Variants in SNTG1 observed in about 807,000 individuals in gnomAD.
SNTG1 encodes the protein syntrophin gamma 1.
Under a neutral mutation model 74.7 loss-of-function variants are expected in SNTG1, and 39 were observed. The observed-to-expected ratio is 0.52, with a 90% CI of 0.40 to 0.68. The LOEUF (loss-of-function observed/expected upper bound fraction) is 0.68, where lower values mean the gene tolerates loss of function less well. Ranked by LOEUF, SNTG1 falls within the 30% of genes least tolerant of loss-of-function variation. The pLI, the probability that SNTG1 is intolerant of heterozygous loss-of-function variation, is 0.00. For synonymous variants in SNTG1, 254 were observed against 217.1 expected, an observed-to-expected ratio of 1.17 and a Z score of -1.49; for missense variants, 685 against 609.5, an observed-to-expected ratio of 1.12 and a Z score of -1.30.
intron 2 of SNTG1, among the ~76,000 whole-genome samples, chr8:50,355,498 T>C (rs1166398469): frequency 6.6e-6 from 1 of 152,176 alleles, no homozygotes; most frequent in African/African-American, 2.4e-5. Context: ...CTTTATATAT[T>C]CAACATGCTT....
At chr8:50,658,269 A>T (rs1411112780) in intron 14 of SNTG1, among the ~76,000 whole-genome samples, 7 of 150,672 alleles carry the variant, frequency 4.6e-5, no homozygotes, top group East Asian at 1.9e-4. Context: ...TTAAAAAAAA[A>T]ATATGAGTGT....
intron 10 of SNTG1, among the ~76,000 whole-genome samples, chr8:50,535,411 T>C (rs1161894916): frequency 1.3e-5 from 2 of 152,258 alleles, no homozygotes; most frequent in East Asian, 3.9e-4. Flanking sequence ...CACATGCCGA[T>C]CATCCATAAC....
At chr8:50,754,870 G>A (rs1585714328) in intron 18 of SNTG1, among the ~76,000 whole-genome samples, 1 of 151,734 alleles carries the variant, frequency 6.6e-6, no homozygotes, top group African/African-American at 2.4e-5. Flanking sequence ...ATTTTCATCG[G>A]TTCAATATGT....
chr8:50,685,917 C>G (rs901366499), intron 15 of SNTG1, among the ~76,000 whole-genome samples: 1 of 152,104 alleles, frequency 6.6e-6, no homozygotes, highest in Non-Finnish European at 1.5e-5. Flanking sequence ...ATATTGTATT[C>G]TACCATGCAA....
rs540674446 is a variant in SNTG1, at chr8:50,266,071, G to A, written c.-28+93436G>A. The stretch of plus-strand genomic sequence containing the variant: ...AAATCCTAGCTTTTTTTTTTTGCAG[G>A]AATTGATGAGCTAATGCTAATATTC... On this transcript the variant is annotated intron_variant, in intron 2 of 18. Transcript: ENST00000642720. 2.0e-3 allele frequency among the ~76,000 whole-genome samples: 305 copies of A among 150,078 alleles called. 2 individuals carry two copies. Among genetic ancestry groups the A allele is most frequent in the African/African-American group, 7.0e-3 (286 of 41,048 alleles).
At chr8:50,201,979 C>A (rs1172650449) in intron 2 of SNTG1, among the ~76,000 whole-genome samples, 10 of 152,036 alleles carry the variant, frequency 6.6e-5, no homozygotes, top group African/African-American at 2.4e-4. Flanking sequence ...GGATTTTTAA[C>A]CCACGTCTCC....
chr8:50,517,067 G>C (rs1283513792), intron 9 of SNTG1, among the ~76,000 whole-genome samples: 3 of 152,106 alleles, frequency 2.0e-5, no homozygotes, highest in Admixed American at 6.6e-5. Context: ...TACCAACAAA[G>C]GGAAGCCCAT....
intron 8 of SNTG1, among the ~76,000 whole-genome samples, chr8:50,497,496 AAT>A (rs1490204961): frequency 6.6e-6 from 1 of 152,030 alleles, no homozygotes; most frequent in East Asian, 1.9e-4. Context: ...TGATTATATC[AAT>A]ATATAGAGGT....
At chr8:50,198,535 A>G (rs1399780006) in intron 2 of SNTG1, among the ~76,000 whole-genome samples, 1 of 152,320 alleles carries the variant, frequency 6.6e-6, no homozygotes, top group Non-Finnish European at 1.5e-5. Flanking sequence ...GCAAGCCCTG[A>G]TGATTTACCT....
chr8:50,015,684 A>C (rs2385700), intron 1 of SNTG1, among the ~76,000 whole-genome samples: 97,623 of 151,992 alleles, frequency 0.64, 35,453 homozygotes, highest in East Asian at 0.83. Context: ...AATTACTATA[A>C]CTAGGCTCAA....
chr8:50,669,957 T>G (rs961528768), intron 15 of SNTG1, among the ~76,000 whole-genome samples: 1 of 152,120 alleles, frequency 6.6e-6, no homozygotes, highest in African/African-American at 2.4e-5. Context: ...ATTATCTCAA[T>G]AGATGCAGAA....
At chr8:50,657,087 T>C (rs1171306949) in intron 14 of SNTG1, 62 bp downstream of exon 14, 4 of 870,198 alleles carry the variant, frequency 4.6e-6, no homozygotes, top group Non-Finnish European at 6.8e-6. Flanking sequence ...TGACACCAAC[T>C]TAACAGCACC....
chr8:50,166,742 T>C (rs1355300333), intron 1 of SNTG1, among the ~76,000 whole-genome samples: 1 of 119,580 alleles, frequency 8.4e-6, no homozygotes. Context: ...GAACTAGAAA[T>C]ACCATTTGAC....
chr8:50,549,958 T>A (rs1644243625), intron 11 of SNTG1, among the ~76,000 whole-genome samples: 1 of 152,176 alleles, frequency 6.6e-6, no homozygotes, highest in African/African-American at 2.4e-5. Context: ...TTCAGCCATA[T>A]GTGAAAGTAC....
intron 1 of SNTG1, among the ~76,000 whole-genome samples, chr8:50,127,630 A>C (rs905487252): frequency 6.6e-6 from 1 of 152,136 alleles, no homozygotes; most frequent in African/African-American, 2.4e-5. Context: ...GCACAGATAG[A>C]AACATTCAAG....
chr8:50,638,354 A>G (rs1054125284), intron 13 of SNTG1, among the ~76,000 whole-genome samples: 3 of 152,240 alleles, frequency 2.0e-5, no homozygotes, highest in Non-Finnish European at 2.9e-5. Flanking sequence ...ATGAATTCAG[A>G]CTTAAGTGTC....
chr8:50,542,114 A>G (rs1328190557), intron 11 of SNTG1, among the ~76,000 whole-genome samples: 1 of 73,690 alleles, frequency 1.4e-5, no homozygotes, highest in Non-Finnish European at 2.3e-5. Context: ...GTATATATAC[A>G]TATATATATA....
At chr8:50,405,514 T>A (rs1195275337) in intron 4 of SNTG1, among the ~76,000 whole-genome samples, 1 of 152,070 alleles carries the variant, frequency 6.6e-6, no homozygotes, top group Non-Finnish European at 1.5e-5. Context: ...TTTTGGAGCT[T>A]AGTTGCAGGA....
chr8:50,394,411 C>G (rs2092702053), intron 3 of SNTG1, 146 bp downstream of exon 3: 1 of 730,234 alleles, frequency 1.4e-6, no homozygotes, highest in South Asian at 2.1e-5. Context: ...ATTACGTTCT[C>G]CTTCTGCAAA....
Sources: gnomAD v4.1 joint callset for allele counts (sites outside exome capture counted in the v4.1 genomes callset) on GRCh38, gnomAD v4.1.1 for gene constraint, MANE v1.5 for transcripts, NCBI Gene and HGNC (gene_info 2026-07-23, HGNC 2026-07-21) for gene names.